The following ZNF423 variants were observed in gnomAD, a reference collection of about 807,000 sequenced individuals.
The protein encoded by ZNF423 is Ebf-associated zinc finger protein.
In ZNF423, 12 loss-of-function variants were observed where a neutral mutation model predicts 95.8. The observed-to-expected ratio is 0.13, with a 90% CI of 0.08 to 0.20. The LOEUF is 0.20. ZNF423 is among the 10% of genes least tolerant of loss of function. The pLI, the probability that ZNF423 is intolerant of heterozygous loss-of-function variation, is 1.00. For synonymous variants in ZNF423, 749 were observed against 711.9 expected (o/e 1.05, Z -0.83); for missense variants, 1,316 against 1,737.1 (o/e 0.76, Z 4.31).
intron 3 of ZNF423, among the ~76,000 whole-genome samples, chr16:49,654,557 T>G (rs1596798939): frequency 6.6e-6 from 1 of 152,202 alleles, no homozygotes; most frequent in Admixed American, 6.5e-5. Flanking sequence ...GGAATGGAAA[T>G]GCACAGATGA....
intron 4 of ZNF423, among the ~76,000 whole-genome samples, chr16:49,628,086 T>C (rs1200293195): frequency 7.0e-6 from 1 of 143,658 alleles, no homozygotes; most frequent in Non-Finnish European, 1.5e-5. Flanking sequence ...CATCCACCTA[T>C]CCATCCACCC....
At chr16:49,793,667 C>T (rs1485614019) in intron 1 of ZNF423, among the ~76,000 whole-genome samples, 1 of 152,150 alleles carries the variant, frequency 6.6e-6, no homozygotes. Context: ...GGCATAGGGA[C>T]AGCACGTGAA....
intron 2 of ZNF423, among the ~76,000 whole-genome samples, chr16:49,735,047 T>A (rs1567318615): frequency 6.6e-6 from 1 of 152,080 alleles, no homozygotes; most frequent in Non-Finnish European, 1.5e-5. Flanking sequence ...TAAGACGCAA[T>A]GAACACCTGA....
intron 5 of ZNF423, among the ~76,000 whole-genome samples, chr16:49,565,075 C>A (rs1970144297): frequency 6.6e-6 from 1 of 152,198 alleles, no homozygotes; most frequent in Admixed American, 6.5e-5. Context: ...CCCAGCTCGA[C>A]CCAGCAGGAG....
intron 7 of ZNF423, among the ~76,000 whole-genome samples, chr16:49,497,749 C>A (rs1334205824): frequency 6.6e-6 from 1 of 152,234 alleles, no homozygotes; most frequent in Admixed American, 6.5e-5. Flanking sequence ...CGAGAATGCA[C>A]CTTAACCACT....
chr16:49,606,244 A>AG (rs1249231552), intron 5 of ZNF423, among the ~76,000 whole-genome samples: 2 of 151,288 alleles, frequency 1.3e-5, no homozygotes, highest in African/African-American at 4.9e-5. Context: ...TGCAGTAAGA[A>AG]GAAACATCTG....
intron 7 of ZNF423, among the ~76,000 whole-genome samples, chr16:49,497,780 G>A (rs535995800): frequency 1.3e-5 from 2 of 152,216 alleles, no homozygotes; most frequent in African/African-American, 2.4e-5. Context: ...CTTTCCAGGG[G>A]AAGAAGTAGC....
intron 5 of ZNF423, among the ~76,000 whole-genome samples, chr16:49,547,011 GA>G (rs60635430): frequency 0.16 from 17,705 of 111,440 alleles, 1,113 homozygotes; most frequent in South Asian, 0.27. Flanking sequence ...ACTCTTTCCA[GA>G]AAAAAAAAAA....
At chr16:49,530,303 AG>A (rs2151718567) in intron 5 of ZNF423, among the ~76,000 whole-genome samples, 1 of 152,160 alleles carries the variant, frequency 6.6e-6, no homozygotes, top group East Asian at 1.9e-4. Context: ...CTCCTCAGGG[AG>A]GCCTTACTCG....
At chr16:49,657,525 A>G (rs1273254714) in intron 3 of ZNF423, among the ~76,000 whole-genome samples, 1 of 152,204 alleles carries the variant, frequency 6.6e-6, no homozygotes, top group African/African-American at 2.4e-5. Context: ...GCCTGTCTCA[A>G]GTCTGACCCC....
At chr16:49,840,839 C>T (rs1273185051) in intron 1 of ZNF423, among the ~76,000 whole-genome samples, 1 of 152,228 alleles carries the variant, frequency 6.6e-6, no homozygotes, top group Non-Finnish European at 1.5e-5. Flanking sequence ...GGCACACAGA[C>T]TCACACACAT....
At chr16:49,669,381 T>C (rs554052977) in intron 3 of ZNF423, among the ~76,000 whole-genome samples, 1 of 151,950 alleles carries the variant, frequency 6.6e-6, no homozygotes, top group African/African-American at 2.4e-5. Context: ...AAAATCCATC[T>C]CATCTCCCAC....
At chr16:49,812,190 C>T (rs967137203) in intron 1 of ZNF423, among the ~76,000 whole-genome samples, 1 of 152,224 alleles carries the variant, frequency 6.6e-6, no homozygotes, top group African/African-American at 2.4e-5. Flanking sequence ...CACTTGCTCA[C>T]GGTCACACAG....
At chr16:49,543,270 C>T (rs1325664589) in intron 5 of ZNF423, among the ~76,000 whole-genome samples, 2 of 152,200 alleles carry the variant, frequency 1.3e-5, no homozygotes, top group Non-Finnish European at 2.9e-5. Context: ...GGCAACAATG[C>T]TGGGAGCCTG....
intron 5 of ZNF423, among the ~76,000 whole-genome samples, chr16:49,571,414 C>T (rs966672678): frequency 2.0e-5 from 3 of 151,990 alleles, no homozygotes; most frequent in African/African-American, 7.2e-5. Flanking sequence ...GGCAGCTGCT[C>T]CGAGGGCATC....
At chr16:49,767,105 A>G (rs1274676042) in intron 2 of ZNF423, among the ~76,000 whole-genome samples, 1 of 151,584 alleles carries the variant, frequency 6.6e-6, no homozygotes, top group Admixed American at 6.6e-5. Context: ...GGTGTGTGCC[A>G]CTCGTGCACA....
intron 2 of ZNF423, among the ~76,000 whole-genome samples, chr16:49,764,035 G>A (rs913810685): frequency 6.6e-6 from 1 of 152,196 alleles, no homozygotes; most frequent in African/African-American, 2.4e-5. Context: ...ACAGGAAAGG[G>A]GCTGTGTCTG....
At position 49,685,577 on chromosome 16, in the gene ZNF423, A is replaced by G. The variant is rs146746521; in HGVS notation, c.301+45194T>C. On this transcript the variant is annotated intron_variant, in intron 3 of 7. Coordinates refer to ENST00000563137, the MANE Select transcript of ZNF423 (RefSeq NM_001379286.1). Reference sequence around the variant, plus strand: ...AGGAGAGACCCCTCTGTTCACCTCGATGCCCAAGCCAGGAAACCAGGGATC... The same window carrying G: ...AGGAGAGACCCCTCTGTTCACCTCGGTGCCCAAGCCAGGAAACCAGGGATC... Among the ~76,000 whole-genome samples the G allele has an allele frequency of 6.0e-3, 908 of 152,280 alleles. 11 individuals are homozygous for G. Among genetic ancestry groups the G allele is most frequent in the African/African-American group, 0.02 (837 of 41,558 alleles).
chr16:49,626,131 G>T, intron 5 of ZNF423, 39 bp downstream of exon 5: 1 of 1,599,740 alleles, frequency 6.3e-7, no homozygotes, highest in East Asian at 2.2e-5. Flanking sequence ...AAACCCCAAA[G>T]AGTAGCTCCA....
Sources: allele counts gnomAD v4.1 joint callset (sites outside exome capture counted in the v4.1 genomes callset), GRCh38; gene constraint gnomAD v4.1.1; transcripts MANE v1.5; gene names NCBI Gene and HGNC (gene_info 2026-07-23, HGNC 2026-07-21).